GSE1: variants seen among roughly 807,000 people sequenced by gnomAD.
GSE1 encodes the protein Gse1 coiled-coil protein, also known as genetic suppressor element 1.
A neutral mutation model predicts 112.6 loss-of-function variants in GSE1; 32 were observed. The ratio of observed to expected loss-of-function variants is 0.28; its 90% CI spans 0.21 to 0.38. GSE1 has a LOEUF of 0.38. GSE1 is among the 10% of genes least tolerant of loss of function. GSE1 has a pLI of 1.00. For synonymous variants in GSE1, 1,115 were observed against 735.6 expected (o/e 1.52, Z -8.35); for missense variants, 2,348 against 1,699.2 (o/e 1.38, Z -6.71).
chr16:85,203,246 G>A (rs1478857486), intron 1 of GSE1, among the ~76,000 whole-genome samples: 1 of 152,172 alleles, frequency 6.6e-6, no homozygotes, highest in Non-Finnish European at 1.5e-5. Context: ...CCTAGATGGA[G>A]TGATGGCCAC....
At chr16:85,259,997 G>C (rs879721226) in intron 1 of GSE1, among the ~76,000 whole-genome samples, 6 of 152,262 alleles carry the variant, frequency 3.9e-5, no homozygotes, top group Non-Finnish European at 7.3e-5. Context: ...CTACCGCAAG[G>C]CTCAGGGCTC....
rs374079190 is a variant in GSE1, at chr16:85,331,239, A to C, written c.2284-26224A>C. Among the ~76,000 whole-genome samples the C allele has an allele frequency of 7.1e-3, 1,043 of 147,632 alleles. 11 individuals carry two copies. The highest frequency in any genetic ancestry group is 0.053 in the South Asian group (246 of 4,648). On this transcript the variant is annotated intron_variant, in intron 1 of 2. Coordinates refer to the GSE1 transcript ENST00000637419. ...ACGATATCGGCTCACTGCAACCTCC[A>C]CCTCCCGAGTTCAAGCGATTCTCCT... is the stretch of plus-strand genomic sequence containing the variant.
At chr16:85,491,769 G>A (rs1387336069) in intron 2 of GSE1, among the ~76,000 whole-genome samples, 1 of 152,196 alleles carries the variant, frequency 6.6e-6, no homozygotes, top group Non-Finnish European at 1.5e-5. Context: ...AGTCTGATGA[G>A]GAGAGGGGCA....
At chr16:85,370,601 TTCCCTCCCTCCTTCTC>T (rs55928497) in intron 2 of GSE1, among the ~76,000 whole-genome samples, 124,309 of 145,272 alleles carry the variant, frequency 0.86, 53,702 homozygotes, top group Middle Eastern at 0.92. Context: ...CCCTCTTCTC[TTCCCTCCCTCCTTCTC>T]TCCCTCCCTC....
intron 2 of GSE1, among the ~76,000 whole-genome samples, chr16:85,645,219 T>G (rs941732403): frequency 1.3e-5 from 2 of 151,966 alleles, no homozygotes; most frequent in African/African-American, 2.4e-5. Context: ...GGGTCACGCC[T>G]CAGGGGCAGC....
At position 85,203,652 on chromosome 16, in the gene GSE1, T is replaced by C. The variant is rs1389434770; in HGVS notation, c.2283+31845T>C. Among the ~76,000 whole-genome samples the C allele has an allele frequency of 2.0e-5, 3 of 152,240 alleles. No homozygotes were observed. In the East Asian group the frequency reaches 5.8e-4, roughly 29 times the overall value. On this transcript the variant is annotated intron_variant, in intron 1 of 2. Transcript: ENST00000637419. ...GGATTTCCTTTGTGCAGCTGCTTTATTGAGACATGACTCACAGAGCATACA... is the reference window on the plus strand; with the variant it reads ...GGATTTCCTTTGTGCAGCTGCTTTACTGAGACATGACTCACAGAGCATACA...
At chr16:85,282,285 C>T (rs1310118991) in intron 1 of GSE1, among the ~76,000 whole-genome samples, 1 of 152,210 alleles carries the variant, frequency 6.6e-6, no homozygotes, top group Non-Finnish European at 1.5e-5. Context: ...CTCGGTCTCC[C>T]AAAGTGCTGG....
At chr16:85,434,374 G>A (rs556148342) in intron 2 of GSE1, among the ~76,000 whole-genome samples, 2 of 151,432 alleles carry the variant, frequency 1.3e-5, no homozygotes, top group African/African-American at 4.9e-5. Flanking sequence ...CTGTATACCC[G>A]GTGTCAGCGC....
intron 2 of GSE1, among the ~76,000 whole-genome samples, chr16:85,540,245 G>A (rs549120748): frequency 2.0e-4 from 31 of 152,322 alleles, no homozygotes; most frequent in Non-Finnish European, 2.8e-4. Context: ...TCTGGTAGGT[G>A]CCTAGAGACA....
At chr16:85,347,886 C>T (rs1410206817) in intron 1 of GSE1, among the ~76,000 whole-genome samples, 1 of 152,160 alleles carries the variant, frequency 6.6e-6, no homozygotes, top group East Asian at 1.9e-4. Context: ...GTCAACTGAA[C>T]CCAGATTTTT....
chr16:85,619,877 T>C (rs1414509684), intron 1 of GSE1, among the ~76,000 whole-genome samples: 12 of 152,078 alleles, frequency 7.9e-5, no homozygotes, highest in African/African-American at 2.9e-4. Context: ...CAGCTGGTAA[T>C]TAATTGGTAG....
intron 1 of GSE1, among the ~76,000 whole-genome samples, chr16:85,313,939 TGTGTGTGTGACATAGCCTA>T (rs1482721630): frequency 0.013 from 1,911 of 151,398 alleles, 44 homozygotes; most frequent in African/African-American, 0.044. Context: ...TGTGTGTGTG[TGTGTGTGTGACATAGCCTA>T]GTGTGTGTGT....
chr16:85,520,801 C>T (rs1374274282), intron 2 of GSE1, among the ~76,000 whole-genome samples: 2 of 152,194 alleles, frequency 1.3e-5, no homozygotes, highest in African/African-American at 4.8e-5. Context: ...TTCTGATTTT[C>T]TGCCAGAGAA....
intron 2 of GSE1, among the ~76,000 whole-genome samples, chr16:85,647,877 G>A (rs902308092): frequency 3.3e-5 from 5 of 152,130 alleles, no homozygotes; most frequent in African/African-American, 7.2e-5. Flanking sequence ...GAGCCACCGC[G>A]CCCGGCCAGT....
chr16:85,261,740 T>G (rs1386005474), intron 1 of GSE1, among the ~76,000 whole-genome samples: 1 of 152,154 alleles, frequency 6.6e-6, no homozygotes, highest in African/African-American at 2.4e-5. Flanking sequence ...GCTGTTCAGG[T>G]GCACGCTAAG....
intron 1 of GSE1, among the ~76,000 whole-genome samples, chr16:85,351,873 C>T (rs1190322693): frequency 6.6e-6 from 1 of 152,056 alleles, no homozygotes; most frequent in Non-Finnish European, 1.5e-5. Context: ...ACCTGTAGTC[C>T]CAGCTACTTG....
At chr16:85,535,740 C>T (rs1294102144) in intron 2 of GSE1, among the ~76,000 whole-genome samples, 1 of 152,210 alleles carries the variant, frequency 6.6e-6, no homozygotes, top group African/African-American at 2.4e-5. Context: ...CACAAAATCC[C>T]TGGCTAGGCG....
At position 85,413,714 on chromosome 16, in the gene GSE1, A is replaced by G. The variant is rs561324794; in HGVS notation, c.2464+56071A>G. On this transcript the variant is annotated intron_variant, in intron 2 of 2. Coordinates refer to the GSE1 transcript ENST00000637419. ...GAGGAATTTAACATAGAGAATCCTA[A>G]TGGTTACTCCCAGAACCTCCAGGGC... 3.9e-5 allele frequency among the ~76,000 whole-genome samples: 6 copies of G among 152,224 alleles called. No homozygotes were observed. In the South Asian group the frequency reaches 8.3e-4, roughly 21 times the overall value.
chr16:85,191,038 C>T (rs531229362), intron 1 of GSE1, among the ~76,000 whole-genome samples: 3 of 152,262 alleles, frequency 2.0e-5, no homozygotes, highest in East Asian at 1.9e-4. Flanking sequence ...GCAGGTGGAT[C>T]GCTTTAGGCC....
Sources: gnomAD v4.1 joint callset for allele counts (sites outside exome capture counted in the v4.1 genomes callset) on GRCh38, gnomAD v4.1.1 for gene constraint, MANE v1.5 for transcripts, NCBI Gene and HGNC (gene_info 2026-07-23, HGNC 2026-07-21) for gene names.